The following ZZZ3 variants were observed in gnomAD, a reference collection of about 807,000 sequenced individuals.
The protein encoded by ZZZ3 is zinc finger ZZ-type containing 3, also known as ZZ-type zinc finger-containing protein 3.
ZZZ3 carries 22 observed loss-of-function variants against 95.2 expected under a neutral mutation model. That is an observed-to-expected ratio of 0.23 (90% confidence interval 0.17 to 0.33). The LOEUF is 0.33. Among genes scored for constraint, ZZZ3 ranks in the 10% least tolerant of loss-of-function variants. ZZZ3 has a pLI of 1.00. For synonymous variants in ZZZ3, 335 were observed against 358.9 expected (o/e 0.93, Z 0.75); for missense variants, 885 against 1,066.5 (o/e 0.83, Z 2.37).
chr1:77,614,221 A>G (rs1445080176), intron 5 of ZZZ3, among the ~76,000 whole-genome samples: 2 of 152,214 alleles, frequency 1.3e-5, no homozygotes, highest in Non-Finnish European at 2.9e-5. Context: ...ATCAAGATAC[A>G]TCCAATGCTG....
At chr1:77,605,726 C>T (rs1665164852) in intron 5 of ZZZ3, among the ~76,000 whole-genome samples, 2 of 152,074 alleles carry the variant, frequency 1.3e-5, no homozygotes, top group African/African-American at 4.8e-5. Flanking sequence ...TTTCTAGACA[C>T]ACCCTGGGCC....
intron 5 of ZZZ3, among the ~76,000 whole-genome samples, chr1:77,629,310 G>A (rs1441047630): frequency 6.6e-6 from 1 of 152,136 alleles, no homozygotes; most frequent in Non-Finnish European, 1.5e-5. Flanking sequence ...AAAGAAAAAA[G>A]AGAAAAGTCT....
chr1:77,624,832 G>C (rs1667196128), intron 5 of ZZZ3, among the ~76,000 whole-genome samples: 1 of 152,174 alleles, frequency 6.6e-6, no homozygotes, highest in South Asian at 2.1e-4. Flanking sequence ...TTCTGAAGTG[G>C]GAGGCAGTCT....
intron 1 of ZZZ3, among the ~76,000 whole-genome samples, chr1:77,675,559 T>C (rs1672181179): frequency 6.6e-6 from 1 of 152,106 alleles, no homozygotes; most frequent in African/African-American, 2.4e-5. Context: ...GAATTGTTCA[T>C]CTTCAGTTCT....
chr1:77,610,609 T>C (rs548412491), intron 5 of ZZZ3, among the ~76,000 whole-genome samples: 48 of 150,918 alleles, frequency 3.2e-4, no homozygotes, highest in African/African-American at 1.1e-3. Flanking sequence ...AAAAAAAAAA[T>C]TCATCATGGC....
chr1:77,671,109 A>C (rs764558329), intron 1 of ZZZ3, among the ~76,000 whole-genome samples: 1 of 151,656 alleles, frequency 6.6e-6, no homozygotes, highest in Non-Finnish European at 1.5e-5. Context: ...CACTTTATTG[A>C]CCCTTGTAGC....
intron 5 of ZZZ3, among the ~76,000 whole-genome samples, chr1:77,622,494 T>C (rs986973909): frequency 2.0e-5 from 3 of 151,844 alleles, no homozygotes. Flanking sequence ...GAAAACCATC[T>C]ACTAGAAACT....
At chr1:77,659,553 G>A (rs1570634738) in intron 1 of ZZZ3, among the ~76,000 whole-genome samples, 1 of 151,530 alleles carries the variant, frequency 6.6e-6, no homozygotes, top group African/African-American at 2.4e-5. Context: ...CAGGCGTGGG[G>A]GCACGTGCCT....
intron 5 of ZZZ3, among the ~76,000 whole-genome samples, chr1:77,594,921 C>CA (rs371690201): frequency 0.14 from 11,248 of 78,338 alleles, 296 homozygotes; most frequent in South Asian, 0.17. Context: ...TTGACAGGCC[C>CA]AAAAAAAAAA....
rs1023547086 is a variant in ZZZ3, at chr1:77,633,342, G to C, written c.13C>G (p.Arg5Gly). 6.2e-7 allele frequency: 1 copy of C among 1,604,596 alleles called. No homozygotes were observed. The highest frequency in any genetic ancestry group is 8.5e-7 in the Non-Finnish European group (1 of 1,175,144). MAAS[R>G]STRVTRSTVG... ...GTTGATCTTGTAACACGAGTAGATC[G>C]GGAAGCAGCCATACTATGGCAAGTC... is the stretch of plus-strand genomic sequence containing the variant. Residue 5 changes from arginine (R) to glycine (G), a missense_variant, in exon 5 of 15, where the codon CGA becomes GGA. Transcript: ENST00000370801.
intron 4 of ZZZ3, among the ~76,000 whole-genome samples, chr1:77,636,603 T>TA (rs957596482): frequency 6.0e-5 from 9 of 148,808 alleles, no homozygotes; most frequent in Non-Finnish European, 1.2e-4. Context: ...TAGTCCCAGG[T>TA]ACTAGGGAGG....
At chr1:77,567,090 T>C (rs1010510397) in intron 13 of ZZZ3, among the ~76,000 whole-genome samples, 1 of 152,150 alleles carries the variant, frequency 6.6e-6, no homozygotes, top group African/African-American at 2.4e-5. Flanking sequence ...GGATCAAAGG[T>C]ATAACTTTGT....
intron 5 of ZZZ3, among the ~76,000 whole-genome samples, chr1:77,612,422 T>C (rs1040300369): frequency 4.6e-5 from 7 of 151,928 alleles, no homozygotes; most frequent in Non-Finnish European, 2.9e-5. Context: ...CCATATGACA[T>C]AGCAATCCCT....
Position 77,602,599 on chromosome 1 carries a change from C to T in ZZZ3, c.1506-17944G>A, listed in dbSNP as rs74090674. 4.0e-3 allele frequency among the ~76,000 whole-genome samples: 490 copies of T among 123,910 alleles called. 4 individuals carry two copies. The highest frequency in any genetic ancestry group is 0.013 in the African/African-American group (466 of 35,410). The allele number at this position is 123,910 out of a possible 152,430, so 81.3% of individuals were successfully genotyped here. On this transcript the variant is annotated intron_variant, in intron 5 of 14. Coordinates refer to ENST00000370801, the MANE Select transcript of ZZZ3 (RefSeq NM_015534.6). ...GGTCCAGACACAACCATTATTTTTACTGATTTTTTTTTTTTTTTTTTTTTG... is the reference window on the plus strand; with the variant it reads ...GGTCCAGACACAACCATTATTTTTATTGATTTTTTTTTTTTTTTTTTTTTG...
chr1:77,570,828 A>ATTTTTTTT (rs1234908458), intron 12 of ZZZ3, among the ~76,000 whole-genome samples: 1 of 123,756 alleles, frequency 8.1e-6, no homozygotes. Flanking sequence ...AGCCTGGCTA[A>ATTTTTTTT]TTTTTTTTTT....
chr1:77,672,734 T>C (rs1671896670), intron 1 of ZZZ3, among the ~76,000 whole-genome samples: 1 of 152,222 alleles, frequency 6.6e-6, no homozygotes, highest in Non-Finnish European at 1.5e-5. Context: ...TAGCTACCCA[T>C]GTGCTTGGCT....
chr1:77,609,794 G>C (rs184050941), intron 5 of ZZZ3, among the ~76,000 whole-genome samples: 1 of 152,068 alleles, frequency 6.6e-6, no homozygotes, highest in Admixed American at 6.6e-5. Flanking sequence ...TGACCCGTGG[G>C]TCAATGAAGA....
At chr1:77,569,100 G>A in intron 12 of ZZZ3, among the ~76,000 whole-genome samples, 1 of 152,214 alleles carries the variant, frequency 6.6e-6, no homozygotes, top group East Asian at 1.9e-4. Flanking sequence ...ACTTTGGGAG[G>A]CCGAGGTGGA....
At chr1:77,658,562 C>T (rs1670501397) in intron 1 of ZZZ3, among the ~76,000 whole-genome samples, 1 of 150,566 alleles carries the variant, frequency 6.6e-6, no homozygotes, top group Non-Finnish European at 1.5e-5. Context: ...CAAGGTCTCC[C>T]TATGTTGCCC....
Sources: allele counts gnomAD v4.1 joint callset (sites outside exome capture counted in the v4.1 genomes callset), GRCh38; gene constraint gnomAD v4.1.1; transcripts MANE v1.5; gene names NCBI Gene and HGNC (gene_info 2026-07-23, HGNC 2026-07-21).